Variants in C1QTNF7 observed in about 807,000 individuals in gnomAD.
The protein encoded by C1QTNF7 is complement C1q tumor necrosis factor-related protein 7.
In C1QTNF7, 15 loss-of-function variants were observed where a neutral mutation model predicts 19.6. That is an observed-to-expected ratio of 0.76 (90% CI 0.51 to 1.18). The LOEUF (loss-of-function observed/expected upper bound fraction) is 1.18. C1QTNF7 is among the 50% of genes most tolerant of loss of function. The pLI is 0.00. For missense variants in C1QTNF7, 324 were observed against 359.7 expected (o/e 0.90, Z 0.80); for synonymous variants, 142 against 137.5 (o/e 1.03, Z -0.23).
At chr4:15,350,245 GGGAGGGAA>G (rs1323317291) in intron 1 of C1QTNF7, among the ~76,000 whole-genome samples, 21 of 142,158 alleles carry the variant, frequency 1.5e-4, no homozygotes, top group African/African-American at 3.9e-4. Context: ...AAGGGAGGGA[GGGAGGGAA>G]GGAGAGAGGG....
At chr4:15,356,933 T>G (rs1717164869) in intron 1 of C1QTNF7, among the ~76,000 whole-genome samples, 1 of 151,452 alleles carries the variant, frequency 6.6e-6, no homozygotes, top group African/African-American at 2.4e-5. Context: ...ACACACTTTT[T>G]GATAAAGTTG....
rs1577290083 is a variant in C1QTNF7, at chr4:15,446,087, T to G, written c.*3288T>G. ...GAACAGTGTTGCTTATGATAAAAAA[T>G]AGATTCTATAAACTCTAAATATACT... On this transcript the variant is annotated 3_prime_UTR_variant, in exon 3 of 3. Transcript: ENST00000444304. 1 of 152,322 alleles carries G rather than the reference T, an allele frequency of 6.6e-6. No homozygotes were observed. The highest frequency in any genetic ancestry group is 1.5e-5 in the Non-Finnish European group (1 of 68,030). 9.4% of individuals were successfully genotyped at this position (152,322 alleles called of 1,614,324 possible).
chr4:15,422,847 G>A (rs563666860), intron 1 of C1QTNF7, among the ~76,000 whole-genome samples: 94 of 152,066 alleles, frequency 6.2e-4, no homozygotes, highest in African/African-American at 2.0e-3. Flanking sequence ...GGTCTCAAGC[G>A]ATCTTCCCAC....
chr4:15,402,316 T>C (rs1465376491), intron 1 of C1QTNF7, among the ~76,000 whole-genome samples: 2 of 152,194 alleles, frequency 1.3e-5, no homozygotes, highest in East Asian at 3.8e-4. Flanking sequence ...CAGGCATTCC[T>C]AAACATGTAA....
intron 1 of C1QTNF7, among the ~76,000 whole-genome samples, chr4:15,369,187 T>C (rs756247093): frequency 3.7e-4 from 57 of 152,138 alleles, no homozygotes; most frequent in African/African-American, 1.2e-4. Flanking sequence ...AGAAACAAAA[T>C]ATTTTAGCAA....
Position 15,442,162 on chromosome 4 carries a change from C to G in C1QTNF7, c.239-6C>G, listed in dbSNP as rs1455694072. On this transcript the variant is annotated splice_region_variant and splice_polypyrimidine_tract_variant and intron_variant, in intron 2 of 2. Coordinates refer to ENST00000444304, the MANE Select transcript of C1QTNF7 (RefSeq NM_031911.5). ...CTATTAATCAAACTATATACTCTTT[C>G]TGAAGGTTTGAGAGGTAAGACTGGA... 1 of 1,588,874 alleles carries G rather than the reference C, an allele frequency of 6.3e-7. No individual in the cohort carries two copies. The highest frequency in any genetic ancestry group is 1.2e-5 in the South Asian group (1 of 86,394).
intron 1 of C1QTNF7, among the ~76,000 whole-genome samples, chr4:15,366,896 G>A (rs1400222375): frequency 6.6e-6 from 1 of 152,134 alleles, no homozygotes; most frequent in Admixed American, 6.5e-5. Flanking sequence ...ATGCACATGA[G>A]GAATGGAAAA....
At chr4:15,412,900 T>C (rs1719457602) in intron 1 of C1QTNF7, among the ~76,000 whole-genome samples, 1 of 152,214 alleles carries the variant, frequency 6.6e-6, no homozygotes. Flanking sequence ...CTCTCAGTTT[T>C]TGAGCCCCTA....
At chr4:15,367,224 G>T (rs1354988891) in intron 1 of C1QTNF7, among the ~76,000 whole-genome samples, 1 of 152,070 alleles carries the variant, frequency 6.6e-6, no homozygotes, top group Non-Finnish European at 1.5e-5. Context: ...ACTATTATTC[G>T]GGAAAATAGA....
At chr4:15,392,568 C>T (rs1032406421) in intron 1 of C1QTNF7, among the ~76,000 whole-genome samples, 3 of 152,200 alleles carry the variant, frequency 2.0e-5, no homozygotes, top group African/African-American at 7.2e-5. Flanking sequence ...CTCAGCCTCT[C>T]CAGGGAGGAC....
chr4:15,380,031 T>C (rs532755446), intron 1 of C1QTNF7, among the ~76,000 whole-genome samples: 10 of 152,340 alleles, frequency 6.6e-5, no homozygotes, highest in Admixed American at 3.3e-4. Flanking sequence ...CATTCTTCCA[T>C]AACCAGGGAG....
In C1QTNF7 at chr4:15,442,671, G is replaced by A; in HGVS notation, c.742G>A (p.Glu248Lys). 1.2e-6 allele frequency: 2 copies of A among 1,614,190 alleles called. No homozygotes were observed. Among genetic ancestry groups the A allele is most frequent in the South Asian group, 2.2e-5 (2 of 91,080 alleles). ...GCAGCCAGAAGATGAAGTCTGGCTG[G>A]AGATTTTCTTCACAGACCAGAATGG... Reference protein sequence around the residue: ...YLQPEDEVWLEIFFTDQNGLF... With the variant: ...YLQPEDEVWLKIFFTDQNGLF... Residue 248 changes from glutamate (E) to lysine (K), a missense_variant, in exon 3 of 3, where the codon GAG becomes AAG. Glu to Lys is a moderately conservative substitution (Grantham distance 56). Coordinates refer to ENST00000444304, the MANE Select transcript of C1QTNF7 (RefSeq NM_031911.5).
chr4:15,423,190 C>G (rs2108927941), upstream of C1QTNF7, among the ~76,000 whole-genome samples: 1 of 152,324 alleles, frequency 6.6e-6, no homozygotes, highest in Non-Finnish European at 1.5e-5. Flanking sequence ...CAAGTCACTT[C>G]TTACTGAATC....
chr4:15,383,597 T>C (rs1301551873), intron 1 of C1QTNF7, among the ~76,000 whole-genome samples: 1 of 152,230 alleles, frequency 6.6e-6, no homozygotes, highest in African/African-American at 2.4e-5. Flanking sequence ...GCCAGAACAC[T>C]GTAGAAACCA....
At chr4:15,342,903 C>T (rs1716593580) in intron 1 of C1QTNF7, among the ~76,000 whole-genome samples, 1 of 152,220 alleles carries the variant, frequency 6.6e-6, no homozygotes, top group South Asian at 2.1e-4. Context: ...CCCAGCTCTG[C>T]TCCTTCAATG....
chr4:15,398,282 A>G (rs1718863675), intron 1 of C1QTNF7, among the ~76,000 whole-genome samples: 1 of 152,194 alleles, frequency 6.6e-6, no homozygotes, highest in Non-Finnish European at 1.5e-5. Flanking sequence ...CAAGAGATCT[A>G]ATGAATCATA....
intron 1 of C1QTNF7, among the ~76,000 whole-genome samples, chr4:15,366,382 A>G (rs1380528129): frequency 6.6e-6 from 1 of 152,178 alleles, no homozygotes; most frequent in South Asian, 2.1e-4. Flanking sequence ...AGGGCATGTT[A>G]AGTTAGTTTA....
At chr4:15,393,039 G>A (rs1427723352) in intron 1 of C1QTNF7, among the ~76,000 whole-genome samples, 1 of 152,196 alleles carries the variant, frequency 6.6e-6, no homozygotes, top group Non-Finnish European at 1.5e-5. Context: ...AAGGGACCTG[G>A]TGGGACATAA....
At chr4:15,371,709 C>T (rs969537244) in intron 1 of C1QTNF7, among the ~76,000 whole-genome samples, 2 of 152,090 alleles carry the variant, frequency 1.3e-5, no homozygotes, top group Non-Finnish European at 2.9e-5. Flanking sequence ...TTAAAGAAAA[C>T]ATCCCGGGGA....
Sources: allele counts gnomAD v4.1 joint callset (sites outside exome capture counted in the v4.1 genomes callset), GRCh38; gene constraint gnomAD v4.1.1; transcripts MANE v1.5; gene names NCBI Gene and HGNC (gene_info 2026-07-23, HGNC 2026-07-21).